AFF1: variants seen among roughly 807,000 people sequenced by gnomAD.
AFF1 encodes AF4/FMR2 family member 1.
AFF1 carries 48 observed loss-of-function variants against 121.7 expected under a neutral mutation model. The observed-to-expected ratio is 0.39, with a 90% confidence interval of 0.31 to 0.50. The LOEUF (loss-of-function observed/expected upper bound fraction) is 0.50, where lower values mean the gene tolerates loss of function less well. AFF1 is among the 20% of genes least tolerant of loss of function. AFF1 has a pLI of 0.76. For synonymous variants in AFF1, 613 were observed against 563.0 expected (o/e 1.09, Z -1.26); for missense variants, 1,523 against 1,511.7 (o/e 1.01, Z -0.12).
chr4:86,950,745 C>T (rs1721246700), intron 2 of AFF1, among the ~76,000 whole-genome samples: 2 of 152,138 alleles, frequency 1.3e-5, no homozygotes, highest in African/African-American at 4.8e-5. Flanking sequence ...GTTAGTTGAC[C>T]CTGGCTGCTG....
chr4:86,986,845 G>GTTA (rs956781242), intron 2 of AFF1, among the ~76,000 whole-genome samples: 1 of 151,904 alleles, frequency 6.6e-6, no homozygotes, highest in African/African-American at 2.4e-5. Context: ...TAGTATTGTG[G>GTTA]TTATTATTAT....
At chr4:87,084,581 TAAATAAATAAATAAATAAATAAA>T (rs1560609239) in intron 5 of AFF1, among the ~76,000 whole-genome samples, 6 of 148,016 alleles carry the variant, frequency 4.1e-5, no homozygotes, top group African/African-American at 1.5e-4. Flanking sequence ...AATAAATAAA[TAAATAAATAAATAAATAAATAAA>T]AAATAAAGAA....
At chr4:87,092,533 A>T (rs943054110) in intron 7 of AFF1, among the ~76,000 whole-genome samples, 14 of 152,090 alleles carry the variant, frequency 9.2e-5, no homozygotes, top group Admixed American at 4.6e-4. Context: ...TTGCCATGTA[A>T]TTCTTTTTCA....
At chr4:87,119,279 C>T (rs1376121913) in intron 12 of AFF1, among the ~76,000 whole-genome samples, 1 of 152,026 alleles carries the variant, frequency 6.6e-6, no homozygotes, top group African/African-American at 2.4e-5. Flanking sequence ...CAATTGGGAG[C>T]CCTCTAAAAA....
chr4:87,115,609 C>CTTTTTTTTTTTTTTT lies in AFF1; in HGVS notation c.2466+312_2466+326dup, dbSNP rs71660115. On this transcript the variant is annotated intron_variant, in intron 12 of 20. Transcript: ENST00000395146. ...ATCTAGGGCCGCCCCCAACCCACCT[C>CTTTTTTTTTTTTTTT]TTTTTTTTTTTTTTTTCCAAAGACA... 5.1e-3 allele frequency among the ~76,000 whole-genome samples: 206 copies of CTTTTTTTTTTTTTTT among 40,650 alleles called. 21 individuals carry two copies. Among genetic ancestry groups the CTTTTTTTTTTTTTTT allele is most frequent in the African/African-American group, 0.013 (161 of 12,386 alleles). 26.7% of individuals were successfully genotyped at this position (40,650 alleles called of 152,430 possible).
chr4:87,025,997 A>G (rs546596563), intron 2 of AFF1, among the ~76,000 whole-genome samples: 1 of 151,824 alleles, frequency 6.6e-6, no homozygotes, highest in Admixed American at 6.5e-5. Context: ...GATTTACCCA[A>G]AGAACCACAG....
chr4:86,957,258 T>C (rs945746850), intron 2 of AFF1, among the ~76,000 whole-genome samples: 1 of 152,206 alleles, frequency 6.6e-6, no homozygotes, highest in Non-Finnish European at 1.5e-5. Context: ...AGAACCATTT[T>C]TCTTTCTGGA....
intron 19 of AFF1, 131 bp downstream of exon 19, chr4:87,132,539 G>T (rs960615417): frequency 2.4e-5 from 19 of 779,378 alleles, no homozygotes; most frequent in African/African-American, 1.8e-5. Context: ...TCATCTGTTT[G>T]CTGGTTGCTC....
At chr4:86,995,747 TGAG>T (rs1181153305) in intron 2 of AFF1, among the ~76,000 whole-genome samples, 2 of 151,778 alleles carry the variant, frequency 1.3e-5, no homozygotes, top group Non-Finnish European at 2.9e-5. Flanking sequence ...GTCTGGGAAG[TGAG>T]GAGCGTCTCT....
rs1222760216 is a variant in AFF1, at chr4:87,139,651, CTTTTG to C, written c.*3956_*3960del. 4.4e-6 allele frequency: 1 copy of C among 229,358 alleles called. No homozygotes were observed. Among genetic ancestry groups the C allele is most frequent in the Non-Finnish European group, 8.6e-6 (1 of 115,692 alleles). 14.2% of individuals were successfully genotyped at this position (229,358 alleles called of 1,614,324 possible). A position where few individuals can be genotyped will look rare whatever the true frequency, so the allele number is the denominator to read the frequency against. ...CCTCCTGTTCTTGAGCCAGTTGTCTCTTTTGTTTTGGGTCCCACTTAGGATTAATG... is the reference window on the plus strand; with the variant it reads ...CCTCCTGTTCTTGAGCCAGTTGTCTCTTTTGGGTCCCACTTAGGATTAATG... On this transcript the variant is annotated 3_prime_UTR_variant, in exon 21 of 21. Coordinates refer to ENST00000395146, the MANE Select transcript of AFF1 (RefSeq NM_001166693.3).
intron 15 of AFF1, 45 bp downstream of exon 15, chr4:87,127,162 T>C: frequency 2.2e-6 from 3 of 1,344,110 alleles, no homozygotes; most frequent in Middle Eastern, 1.8e-4. Context: ...TGTTTTGTTT[T>C]GCTTCCCCCC....
Position 87,137,639 on chromosome 4 carries a change from C to G in AFF1, c.*1938C>G. 4.3e-6 allele frequency: 1 copy of G among 232,166 alleles called. No individual in the cohort carries two copies. Among genetic ancestry groups the G allele is most frequent in the Non-Finnish European group, 8.5e-6 (1 of 117,376 alleles). The allele number at this position is 232,166 out of a possible 1,614,324, so 14.4% of individuals were successfully genotyped here. On this transcript the variant is annotated 3_prime_UTR_variant, in exon 21 of 21. Transcript: ENST00000395146. ...AAGCAAAGCCCTGGTCCTTTTTAAA[C>G]TACTAGTTTTAAAAACCTGTGTTAA... is the stretch of plus-strand genomic sequence containing the variant.
intron 2 of AFF1, chr4:86,949,654 A>C: frequency 6.6e-7 from 1 of 1,525,586 alleles, no homozygotes; most frequent in Non-Finnish European, 8.9e-7. Context: ...GAGCCTCAGC[A>C]GGGGTGAGCG....
At chr4:87,081,416 C>T (rs532181673) in intron 4 of AFF1, among the ~76,000 whole-genome samples, 4 of 152,268 alleles carry the variant, frequency 2.6e-5, no homozygotes, top group African/African-American at 9.6e-5. Context: ...CCTGCCTCAG[C>T]CTCCCAAAGT....
At position 86,985,214 on chromosome 4, in the gene AFF1, T is replaced by TATATAA. The variant is rs1277485096; in HGVS notation, c.38+36644_38+36645insTATAAA. ...ATATATATATATATATATATATATA[T>TATATAA]AAAATTATATTTTAGGCCGGGCAGA... is the stretch of plus-strand genomic sequence containing the variant. On this transcript the variant is annotated intron_variant, in intron 2 of 20. Coordinates refer to ENST00000395146, the MANE Select transcript of AFF1 (RefSeq NM_001166693.3). 3.0e-3 allele frequency among the ~76,000 whole-genome samples: 312 copies of TATATAA among 104,480 alleles called. 2 individuals carry two copies. The highest frequency in any genetic ancestry group is 8.0e-3 in the African/African-American group (241 of 29,990). 68.5% of individuals were successfully genotyped at this position (104,480 alleles called of 152,430 possible).
chr4:87,064,997 C>T (rs1721191176), intron 4 of AFF1, among the ~76,000 whole-genome samples: 1 of 151,876 alleles, frequency 6.6e-6, no homozygotes, highest in South Asian at 2.1e-4. Flanking sequence ...TGTGTTCGTG[C>T]CACTGCACTC....
In AFF1 at chr4:87,016,388, A is replaced by G. The variant is rs143564059; in HGVS notation, c.39-29778A>G. ...ACACAGTGAAACCCCGTCTCTACTG[A>G]AAATACAAAAAAATTAGCCAGACGT... On this transcript the variant is annotated intron_variant, in intron 2 of 20. Transcript: ENST00000395146. Among the ~76,000 whole-genome samples, 698 of 151,488 alleles carry G rather than the reference A, an allele frequency of 4.6e-3. 8 individuals carry two copies. The highest frequency in any genetic ancestry group is 0.016 in the African/African-American group (671 of 41,232).
rs566571914 is a variant in AFF1, at chr4:87,140,803, C to CT, written c.*5104dup. On this transcript the variant is annotated 3_prime_UTR_variant, in exon 21 of 21. Coordinates refer to ENST00000395146, the MANE Select transcript of AFF1 (RefSeq NM_001166693.3). The stretch of plus-strand genomic sequence containing the variant: ...GGCTTTGTGAATAAAATTTAGCTGC[C>CT]TTGTATAGTCGTTTGAAAGAATATG... The CT allele has an allele frequency of 9.6e-3, 1,800 of 188,230 alleles. 29 individuals are homozygous for CT. Among genetic ancestry groups the CT allele is most frequent in the African/African-American group, 0.04 (1,707 of 42,796 alleles). The allele number at this position is 188,230 out of a possible 1,614,324, so 11.7% of individuals were successfully genotyped here.
At chr4:87,040,432 T>C (rs1730016697) in intron 2 of AFF1, among the ~76,000 whole-genome samples, 2 of 152,220 alleles carry the variant, frequency 1.3e-5, no homozygotes, top group African/African-American at 4.8e-5. Context: ...CACACCTTCT[T>C]TGTCTTCACT....
Sources: allele counts gnomAD v4.1 joint callset (sites outside exome capture counted in the v4.1 genomes callset), GRCh38; gene constraint gnomAD v4.1.1; transcripts MANE v1.5; gene names NCBI Gene and HGNC (gene_info 2026-07-23, HGNC 2026-07-21).